Variants in UBR1 observed in about 807,000 individuals in gnomAD.
UBR1 encodes E3 ubiquitin-protein ligase UBR1.
UBR1 carries 102 observed loss-of-function variants against 242.1 expected under a neutral mutation model. That is an observed-to-expected ratio of 0.42 (90% CI 0.36 to 0.50). The LOEUF (loss-of-function observed/expected upper bound fraction) is 0.50. UBR1 is among the 20% of genes least tolerant of loss of function. The pLI, the probability that UBR1 is intolerant of heterozygous loss-of-function variation, is 0.01. For synonymous variants in UBR1, 675 were observed against 684.8 expected, an observed-to-expected ratio of 0.99 and a Z score of 0.22; for missense variants, 1,772 against 2,101.8, an observed-to-expected ratio of 0.84 and a Z score of 3.07.
intron 44 of UBR1, among the ~76,000 whole-genome samples, 186 bp downstream of exon 44, chr15:42,957,827 A>G (rs2031948435): frequency 2.0e-5 from 3 of 152,160 alleles, no homozygotes; most frequent in Non-Finnish European, 4.4e-5. Context: ...TAGTCAAATC[A>G]CTGCACTCCA....
intron 33 of UBR1, among the ~76,000 whole-genome samples, chr15:42,995,831 G>A (rs2032629722): frequency 6.6e-6 from 1 of 152,062 alleles, no homozygotes; most frequent in African/African-American, 2.4e-5. Context: ...AAATGAAGGA[G>A]GAGGGGAAAC....
At chr15:43,051,799 T>G (rs951993232) in intron 12 of UBR1, among the ~76,000 whole-genome samples, 1 of 151,872 alleles carries the variant, frequency 6.6e-6, no homozygotes, top group Non-Finnish European at 1.5e-5. Flanking sequence ...TAGATAAAAA[T>G]AGGTGGCAAA....
intron 4 of UBR1, among the ~76,000 whole-genome samples, chr15:43,073,627 C>G (rs1051745427): frequency 1.3e-5 from 2 of 152,124 alleles, no homozygotes; most frequent in Non-Finnish European, 2.9e-5. Context: ...ACAGGTTTTA[C>G]TTCATCTAGC....
chr15:43,073,791 G>C (rs958611534), intron 4 of UBR1, among the ~76,000 whole-genome samples: 8 of 152,074 alleles, frequency 5.3e-5, no homozygotes, highest in African/African-American at 1.9e-4. Context: ...ACGTTCTTTT[G>C]CATGAGCTTG....
chr15:43,010,429 G>A (rs1456570383), intron 29 of UBR1, among the ~76,000 whole-genome samples: 4 of 151,966 alleles, frequency 2.6e-5, no homozygotes, highest in Admixed American at 2.6e-4. Flanking sequence ...GAGTGAAAAT[G>A]GGAAGTTGTA....
chr15:43,062,663 A>G (rs2033702960), intron 6 of UBR1, among the ~76,000 whole-genome samples: 1 of 152,172 alleles, frequency 6.6e-6, no homozygotes, highest in South Asian at 2.1e-4. Flanking sequence ...TCAGGCTGGA[A>G]GGCAGCGGTG....
At chr15:43,094,759 T>C (rs2034140271) in intron 1 of UBR1, among the ~76,000 whole-genome samples, 1 of 152,226 alleles carries the variant, frequency 6.6e-6, no homozygotes, top group African/African-American at 2.4e-5. Context: ...TATCCTTTAC[T>C]TGTTATCCCT....
intron 23 of UBR1, chr15:43,026,303 T>A: frequency 2.6e-6 from 1 of 382,144 alleles, no homozygotes; most frequent in East Asian, 5.3e-5. Context: ...AATGAGTGTG[T>A]GATGATGAAG....
intron 3 of UBR1, among the ~76,000 whole-genome samples, chr15:43,076,815 G>A (rs1184861103): frequency 2.1e-4 from 27 of 129,310 alleles, no homozygotes; most frequent in African/African-American, 7.3e-4. Flanking sequence ...CCCCGTCCGG[G>A]AGGTGAGGGG....
intron 46 of UBR1, among the ~76,000 whole-genome samples, chr15:42,948,210 G>A (rs1472539717): frequency 6.6e-6 from 1 of 152,102 alleles, no homozygotes; most frequent in Non-Finnish European, 1.5e-5. Context: ...AATGGTGCTG[G>A]GAAAACTGGC....
intron 42 of UBR1, among the ~76,000 whole-genome samples, chr15:42,963,567 A>C (rs1389599004): frequency 1.3e-5 from 2 of 152,006 alleles, no homozygotes; most frequent in Non-Finnish European, 2.9e-5. Context: ...CTCCTGATAC[A>C]TGCGCTACCA....
chr15:42,966,069 C>T, intron 41 of UBR1, 84 bp downstream of exon 41: 1 of 1,595,916 alleles, frequency 6.3e-7, no homozygotes, highest in South Asian at 1.1e-5. Context: ...GTTTTATCTG[C>T]TTTAACCTTG....
intron 19 of UBR1, among the ~76,000 whole-genome samples, chr15:43,032,848 C>T (rs1246549775): frequency 6.6e-6 from 1 of 152,172 alleles, no homozygotes; most frequent in African/African-American, 2.4e-5. Flanking sequence ...ATACTGTCAT[C>T]ATTTTCATTA....
chr15:42,978,051 A>T, intron 37 of UBR1, 104 bp from the exon 38 acceptor site: 1 of 864,958 alleles, frequency 1.2e-6, no homozygotes, highest in East Asian at 2.5e-5. Flanking sequence ...ACAGGGTTAT[A>T]AAATACAGAA....
chr15:43,045,857 A>C (rs994154840), intron 14 of UBR1, among the ~76,000 whole-genome samples: 3 of 152,248 alleles, frequency 2.0e-5, no homozygotes, highest in African/African-American at 7.2e-5. Context: ...AATCGATAAT[A>C]AATGTATTAG....
chr15:43,021,292 T>C lies in UBR1; in HGVS notation c.2923A>G (p.Ile975Val). 1.2e-6 allele frequency: 2 copies of C among 1,613,810 alleles called. No individual in the cohort carries two copies. The highest frequency in any genetic ancestry group is 1.7e-6 in the Non-Finnish European group (2 of 1,179,818). Reference protein sequence around the residue: ...IPQLEGQKDMITWILQMFDTV... With the variant: ...IPQLEGQKDMVTWILQMFDTV... ...TAGTTTACCTGAAGTATCCACGTTA[T>C]CATGTCCTTCTGGCCTTCTAACTGG... The change falls in exon 27 of 47, where the codon ATA becomes GTA. Residue 975 changes from isoleucine (I) to valine (V), a missense_variant. Physicochemically the swap from Ile to Val is conservative, Grantham distance 29. Transcript: ENST00000290650.
chr15:43,004,229 GATA>G (rs1409822459), intron 30 of UBR1, among the ~76,000 whole-genome samples: 4 of 152,170 alleles, frequency 2.6e-5, no homozygotes, highest in Admixed American at 6.5e-5. Flanking sequence ...ATGTTTCCAA[GATA>G]ATTTACTTTT....
chr15:42,949,473 ACAT>A (rs968501241), intron 46 of UBR1, among the ~76,000 whole-genome samples: 3 of 151,952 alleles, frequency 2.0e-5, no homozygotes, highest in African/African-American at 7.2e-5. Context: ...CTAAAGAATG[ACAT>A]CATATTTTTT....
At chr15:43,076,866 T>C (rs1270518952) in intron 3 of UBR1, among the ~76,000 whole-genome samples, 1 of 49,258 alleles carries the variant, frequency 2.0e-5, no homozygotes, top group Non-Finnish European at 4.2e-5. Context: ...TGAGGACCCC[T>C]CTGCCCGGCC....
Sources: gnomAD v4.1 joint callset for allele counts (sites outside exome capture counted in the v4.1 genomes callset) on GRCh38, gnomAD v4.1.1 for gene constraint, MANE v1.5 for transcripts, NCBI Gene and HGNC (gene_info 2026-07-23, HGNC 2026-07-21) for gene names.